COL13A1: variants seen among roughly 807,000 people sequenced by gnomAD.
The protein encoded by COL13A1 is collagen alpha-1(XIII) chain.
Under a neutral mutation model 130.9 loss-of-function variants are expected in COL13A1, and 89 were observed. That is an observed-to-expected ratio of 0.68 (90% confidence interval 0.57 to 0.81). The LOEUF (loss-of-function observed/expected upper bound fraction) is 0.81. COL13A1 is among the 30% of genes least tolerant of loss of function. The pLI, the probability that COL13A1 is intolerant of heterozygous loss-of-function variation, is 0.00. For missense variants in COL13A1, 879 were observed against 934.6 expected, an observed-to-expected ratio of 0.94 and a Z score of 0.78; for synonymous variants, 402 against 341.6, an observed-to-expected ratio of 1.18 and a Z score of -1.95.
At chr10:69,911,086 A>T (rs986836158) in intron 17 of COL13A1, among the ~76,000 whole-genome samples, 5 of 151,936 alleles carry the variant, frequency 3.3e-5, no homozygotes, top group African/African-American at 1.2e-4. Context: ...TGGGGAGGAG[A>T]GTGGATGGGC....
chr10:69,897,689 C>T (rs2061788430), intron 13 of COL13A1, among the ~76,000 whole-genome samples: 1 of 152,206 alleles, frequency 6.6e-6, no homozygotes, highest in Admixed American at 6.5e-5. Flanking sequence ...CCTGGAAAGG[C>T]CACACTTGGG....
intron 2 of COL13A1, among the ~76,000 whole-genome samples, chr10:69,833,848 G>A (rs554211094): frequency 7.2e-5 from 11 of 152,140 alleles, no homozygotes; most frequent in East Asian, 3.9e-4. Flanking sequence ...TAGGAGGTAC[G>A]GCTGGAAAGA....
intron 2 of COL13A1, among the ~76,000 whole-genome samples, chr10:69,864,317 C>CGATA (rs1859159557): frequency 6.7e-6 from 1 of 149,478 alleles, no homozygotes; most frequent in East Asian, 1.9e-4. Context: ...CAGTAAATGT[C>CGATA]GATTGAATGA....
At position 69,917,151 on chromosome 10, in the gene COL13A1, C is replaced by G. The variant is rs542794289; in HGVS notation, c.922-138C>G. 73 of 1,002,254 alleles carry G rather than the reference C, an allele frequency of 7.3e-5. No homozygotes were observed. The South Asian group carries it at 9.1e-4, about 12-fold the overall frequency. The allele number at this position is 1,002,254 out of a possible 1,614,324, so 62.1% of individuals were successfully genotyped here. On this transcript the variant is annotated intron_variant, in intron 17 of 40. Coordinates refer to ENST00000645393, the MANE Select transcript of COL13A1 (RefSeq NM_001368882.1). ...GGACAGGGGCCCACACAGCTGCCAC[C>G]AGGGCAGGGTCCTCAGAGCTCAACA...
rs1017084205 is a variant in COL13A1, at chr10:69,917,328, G to A, written c.961G>A (p.Ala321Thr). 10 of 1,613,302 alleles carry A rather than the reference G, an allele frequency of 6.2e-6. No individual in the cohort carries two copies. In the African/African-American group the frequency reaches 1.2e-4, roughly 19 times the overall value. ...GMPGMPGKHG[A>T]KGAPGIAVAG... ...GCCAGGGATGCCAGGCAAGCATGGA[G>A]CCAAGGTACCTCCCCCTTCCCCACA... is the stretch of plus-strand genomic sequence containing the variant. Residue 321 changes from alanine (A) to threonine (T), a missense_variant, in exon 18 of 41, where the codon GCC (alanine) becomes ACC (threonine). Transcript: ENST00000645393.
At chr10:69,910,164 A>G (rs2063208391) in intron 17 of COL13A1, among the ~76,000 whole-genome samples, 1 of 151,906 alleles carries the variant, frequency 6.6e-6, no homozygotes. Context: ...CCTCTCTTTT[A>G]TTCTCTCCTC....
chr10:69,944,140 A>G lies in COL13A1; in HGVS notation c.1930A>G (p.Ile644Val). Residue 644 changes from isoleucine (I) to valine (V), a missense_variant, in exon 36 of 41, where the codon ATT becomes GTT. Physicochemically the swap from Ile to Val is conservative, Grantham distance 29. Transcript: ENST00000645393. ...CCCTTCCCAGGGTACTCCAGGACCA[A>G]TTGGAGTTCCAGGCCCAGCGGGACC... ...RPGPPGTPGPIGVPGPAGPKG... is the reference protein window; with the variant it reads ...RPGPPGTPGPVGVPGPAGPKG... 6 of 1,613,752 alleles carry G rather than the reference A, an allele frequency of 3.7e-6. No homozygotes were observed. Among genetic ancestry groups the G allele is most frequent in the African/African-American group, 1.3e-5 (1 of 75,038 alleles).
At chr10:69,836,657 A>G (rs1850153765) in intron 2 of COL13A1, among the ~76,000 whole-genome samples, 1 of 152,192 alleles carries the variant, frequency 6.6e-6, no homozygotes. Context: ...GAATGTCTCC[A>G]GTAGGCAAGG....
At chr10:69,918,124 A>G (rs2064152491) in intron 18 of COL13A1, among the ~76,000 whole-genome samples, 161 bp from the exon 19 acceptor site, 1 of 152,146 alleles carries the variant, frequency 6.6e-6, no homozygotes. Flanking sequence ...GCGTCAGCTC[A>G]GCGCCCCCAC....
At chr10:69,802,781 C>T in intron 1 of COL13A1, 64 bp downstream of exon 1, 2 of 1,590,422 alleles carry the variant, frequency 1.3e-6, no homozygotes, top group Non-Finnish European at 1.7e-6. Context: ...AGCCTCCAGA[C>T]TGTTCAGCCG....
rs931381893 is a variant in COL13A1, at chr10:69,824,875, A to G, written c.364+2437A>G. 6.6e-5 allele frequency among the ~76,000 whole-genome samples: 10 copies of G among 152,356 alleles called. No homozygotes were observed. The East Asian group carries it at 1.2e-3, about 18-fold the overall frequency. ...AACTCAGGCAAAATCAGAGGGAACTAAGATGCTGTTCCGGCCTTTCGTAAC... is the reference window on the plus strand; with the variant it reads ...AACTCAGGCAAAATCAGAGGGAACTGAGATGCTGTTCCGGCCTTTCGTAAC... On this transcript the variant is annotated intron_variant, in intron 2 of 40. Coordinates refer to ENST00000645393, the MANE Select transcript of COL13A1 (RefSeq NM_001368882.1).
rs1273368313 is a variant in COL13A1, at chr10:69,941,017, G to T, written c.1908G>T (p.Gly636=). Residue 636 remains glycine (G), a synonymous_variant, in exon 35 of 41, where the codon GGG becomes GGT. Coordinates refer to ENST00000645393, the MANE Select transcript of COL13A1 (RefSeq NM_001368882.1). ...CTTCAGGTTTGGACGGCAGGCCTGG[G>T]CCACCGGTGAGTGTCACTTCTCCAT... ...PGASGLDGRP[G]PPGTPGPIGV... 1 of 1,613,814 alleles carries T rather than the reference G, an allele frequency of 6.2e-7. No individual in the cohort carries two copies. Among genetic ancestry groups the T allele is most frequent in the South Asian group, 1.1e-5 (1 of 91,064 alleles).
At chr10:69,953,214 C>A (rs2069946633) in intron 39 of COL13A1, among the ~76,000 whole-genome samples, 1 of 152,150 alleles carries the variant, frequency 6.6e-6, no homozygotes, top group African/African-American at 2.4e-5. Flanking sequence ...ACAGAGCAAT[C>A]GATGTGTGGA....
At chr10:69,895,933 G>A (rs1366641087) in intron 13 of COL13A1, among the ~76,000 whole-genome samples, 1 of 152,142 alleles carries the variant, frequency 6.6e-6, no homozygotes, top group Non-Finnish European at 1.5e-5. Flanking sequence ...CGTGACTTGT[G>A]TGAGTCTGTT....
At chr10:69,944,030 G>A (rs940010076) in intron 35 of COL13A1, 95 bp from the exon 36 acceptor site, 1 of 1,006,424 alleles carries the variant, frequency 9.9e-7, no homozygotes, top group Non-Finnish European at 1.6e-6. Flanking sequence ...TGAAAACTGG[G>A]CCTTGGACCT....
chr10:69,853,254 G>C (rs1343572647), intron 2 of COL13A1, among the ~76,000 whole-genome samples: 2 of 152,144 alleles, frequency 1.3e-5, no homozygotes. Flanking sequence ...ATTTCCTATG[G>C]ATACTGCACC....
intron 10 of COL13A1, among the ~76,000 whole-genome samples, chr10:69,892,409 A>G (rs538785372): frequency 6.6e-6 from 1 of 152,322 alleles, no homozygotes; most frequent in East Asian, 1.9e-4. Flanking sequence ...AGAACCTGAA[A>G]TAAGGTGTTG....
In COL13A1 at chr10:69,937,625, T is replaced by C. The variant is rs576898936; in HGVS notation, c.1798-10T>C. 11 of 1,393,848 alleles carry C rather than the reference T, an allele frequency of 7.9e-6. No individual in the cohort carries two copies. The African/African-American group carries it at 9.9e-5, about 13-fold the overall frequency. 86.3% of individuals were successfully genotyped at this position (1,393,848 alleles called of 1,614,324 possible). A position where few individuals can be genotyped will look rare whatever the true frequency, so the allele number is the denominator to read the frequency against. ...CTTGTGTGATCTCGTCCCCTCTCCC[T>C]TTCCTCCAGGGGGAAGCAGGACTAG... On this transcript the variant is annotated splice_polypyrimidine_tract_variant and intron_variant, in intron 33 of 40. Transcript: ENST00000645393.
Position 69,880,562 on chromosome 10 carries a change from T to C in COL13A1, c.513+9T>C. 6.2e-7 allele frequency: 1 copy of C among 1,612,682 alleles called. No homozygotes were observed. ...GTCCCCGCGGCCCCCCTGTAAGTTG[T>C]TTTTGCTCTTCCTCGGGGTGTTGGG... On this transcript the variant is annotated intron_variant, in intron 7 of 40. Transcript: ENST00000645393.
Sources: gnomAD v4.1 joint callset for allele counts (sites outside exome capture counted in the v4.1 genomes callset) on GRCh38, gnomAD v4.1.1 for gene constraint, MANE v1.5 for transcripts, NCBI Gene and HGNC (gene_info 2026-07-23, HGNC 2026-07-21) for gene names.